EPSTI1: variants seen among roughly 807,000 people sequenced by gnomAD.
EPSTI1 encodes epithelial-stromal interaction protein 1.
Under a neutral mutation model 49.9 loss-of-function variants are expected in EPSTI1, and 66 were observed. The observed-to-expected ratio is 1.32, with a 90% CI of 1.08 to 1.62. EPSTI1 has a LOEUF of 1.62. EPSTI1 is among the 40% of genes most tolerant of loss of function. The probability of loss-of-function intolerance (pLI) is 0.00; values close to 1 mark genes in which losing one functional copy is unlikely to be tolerated. For synonymous variants in EPSTI1, 137 were observed against 130.7 expected (o/e 1.05, Z -0.33); for missense variants, 394 against 365.5 (o/e 1.08, Z -0.64).
chr13:42,925,616 C>T (rs2038147540), intron 7 of EPSTI1, among the ~76,000 whole-genome samples: 1 of 152,208 alleles, frequency 6.6e-6, no homozygotes. Context: ...CGTTCCTGCT[C>T]ATTTCTATAT....
chr13:42,975,417 A>G (rs2039861808), intron 1 of EPSTI1, among the ~76,000 whole-genome samples: 1 of 152,232 alleles, frequency 6.6e-6, no homozygotes, highest in Admixed American at 6.5e-5. Context: ...ACACCCAAGA[A>G]GCTGATGTGT....
chr13:42,981,656 TC>T (rs1459797474), intron 1 of EPSTI1, among the ~76,000 whole-genome samples: 1 of 152,222 alleles, frequency 6.6e-6, no homozygotes, highest in East Asian at 1.9e-4. Flanking sequence ...TTTGATCTAA[TC>T]AAACCAAAAT....
At chr13:42,934,016 T>C in intron 6 of EPSTI1, 1 of 186,154 alleles carries the variant, frequency 5.4e-6, no homozygotes, top group South Asian at 1.2e-4. Context: ...GAAAGCCATG[T>C]AAAGATTGCT....
intron 5 of EPSTI1, among the ~76,000 whole-genome samples, chr13:42,955,480 C>T (rs1435645558): frequency 6.6e-6 from 1 of 152,124 alleles, no homozygotes; most frequent in African/African-American, 2.4e-5. Context: ...CACAAACAGT[C>T]ATACAGTAGC....
chr13:42,935,679 T>C (rs2038537909), intron 6 of EPSTI1, among the ~76,000 whole-genome samples: 2 of 152,228 alleles, frequency 1.3e-5, no homozygotes, highest in South Asian at 2.1e-4. Context: ...GCAAACTCCA[T>C]CTCCCAGGTT....
chr13:42,910,993 T>C (rs2037654859), intron 8 of EPSTI1, among the ~76,000 whole-genome samples: 1 of 152,238 alleles, frequency 6.6e-6, no homozygotes, highest in South Asian at 2.1e-4. Flanking sequence ...GATTAAAATT[T>C]ATCAATGTCT....
At chr13:42,975,756 C>T (rs188954147) in intron 1 of EPSTI1, among the ~76,000 whole-genome samples, 3 of 151,984 alleles carry the variant, frequency 2.0e-5, no homozygotes, top group Admixed American at 6.6e-5. Context: ...CATATAGAAT[C>T]GACCTGAGAT....
At chr13:42,901,535 C>T (rs17543945) in intron 8 of EPSTI1, among the ~76,000 whole-genome samples, 23,811 of 152,040 alleles carry the variant, frequency 0.16, 1,926 homozygotes, top group African/African-American at 0.17. Context: ...ACTCAATAAG[C>T]ATTTGTTATA....
chr13:42,953,809 G>T (rs1594717876), intron 6 of EPSTI1, 139 bp downstream of exon 6: 5 of 651,112 alleles, frequency 7.7e-6, no homozygotes, highest in African/African-American at 1.8e-5. Context: ...CTTACATGGT[G>T]AAAGAGTTCA....
chr13:42,973,428 C>A (rs2039811161), intron 1 of EPSTI1, among the ~76,000 whole-genome samples: 2 of 152,296 alleles, frequency 1.3e-5, no homozygotes, highest in South Asian at 4.1e-4. Context: ...GCAACCTTCT[C>A]AGCAATATTT....
chr13:42,962,150 C>G (rs73470174), intron 5 of EPSTI1, among the ~76,000 whole-genome samples: 3,536 of 152,268 alleles, frequency 0.023, 143 homozygotes, highest in African/African-American at 0.081. Flanking sequence ...GAAATCACAT[C>G]TGTGGAAGAA....
chr13:42,929,480 T>C (rs1301122820), intron 6 of EPSTI1, among the ~76,000 whole-genome samples: 1 of 152,174 alleles, frequency 6.6e-6, no homozygotes. Flanking sequence ...ACAAATCCTG[T>C]AGTAGGGTCT....
At chr13:42,962,015 T>C (rs1169779265) in intron 5 of EPSTI1, among the ~76,000 whole-genome samples, 1 of 152,218 alleles carries the variant, frequency 6.6e-6, no homozygotes, top group East Asian at 1.9e-4. Flanking sequence ...TCTAGATGGC[T>C]AATGTTCATT....
At chr13:42,983,004 C>T (rs1414401392) in intron 1 of EPSTI1, among the ~76,000 whole-genome samples, 1 of 152,202 alleles carries the variant, frequency 6.6e-6, no homozygotes, top group African/African-American at 2.4e-5. Context: ...CACTCTTCAT[C>T]AAACCTAAGC....
chr13:42,951,932 T>C (rs1317923059), intron 6 of EPSTI1, among the ~76,000 whole-genome samples: 1 of 152,202 alleles, frequency 6.6e-6, no homozygotes, highest in Non-Finnish European at 1.5e-5. Flanking sequence ...CTTTTCTGTC[T>C]TACAAGAGGA....
intron 10 of EPSTI1, among the ~76,000 whole-genome samples, chr13:42,891,502 C>A (rs1394096813): frequency 6.6e-6 from 1 of 151,908 alleles, no homozygotes; most frequent in Non-Finnish European, 1.5e-5. Context: ...TTTTTTTTGC[C>A]AAATAATTGA....
At chr13:42,984,139 T>C (rs2040037547) in intron 1 of EPSTI1, among the ~76,000 whole-genome samples, 1 of 152,216 alleles carries the variant, frequency 6.6e-6, no homozygotes, top group South Asian at 2.1e-4. Flanking sequence ...AATCCCCTAA[T>C]GAATAACCAT....
chr13:42,909,411 T>C (rs566580079), intron 8 of EPSTI1, among the ~76,000 whole-genome samples: 2 of 152,196 alleles, frequency 1.3e-5, no homozygotes, highest in South Asian at 4.2e-4. Flanking sequence ...AGAAGTACCA[T>C]ATGATCCAGC....
chr13:42,939,231 C>G (rs2038671222), intron 6 of EPSTI1, among the ~76,000 whole-genome samples: 2 of 152,196 alleles, frequency 1.3e-5, no homozygotes, highest in Admixed American at 1.3e-4. Context: ...GAACTTTCTT[C>G]ATATTAGCAA....
Sources: gnomAD v4.1 joint callset for allele counts (sites outside exome capture counted in the v4.1 genomes callset) on GRCh38, gnomAD v4.1.1 for gene constraint, MANE v1.5 for transcripts, NCBI Gene and HGNC (gene_info 2026-07-23, HGNC 2026-07-21) for gene names.